Variants in TRPC7 observed in about 807,000 individuals in gnomAD.
TRPC7 encodes the protein short transient receptor potential channel 7.
TRPC7 carries 42 observed loss-of-function variants against 90.1 expected under a neutral mutation model. The observed-to-expected ratio is 0.47, with a 90% confidence interval of 0.36 to 0.60. TRPC7 has a LOEUF of 0.60. Ranked by LOEUF, TRPC7 falls within the 20% of genes least tolerant of loss-of-function variation. The pLI is 0.00. For missense variants in TRPC7, 955 were observed against 1,112.3 expected, an observed-to-expected ratio of 0.86 and a Z score of 2.01; for synonymous variants, 451 against 436.3, an observed-to-expected ratio of 1.03 and a Z score of -0.42.
intron 2 of TRPC7, among the ~76,000 whole-genome samples, chr5:136,336,155 C>G (rs994238561): frequency 2.0e-5 from 3 of 152,126 alleles, no homozygotes; most frequent in African/African-American, 7.2e-5. Flanking sequence ...TAAAATGTCT[C>G]TTCTGAGAAG....
chr5:136,244,858 T>C (rs190349143), intron 7 of TRPC7, among the ~76,000 whole-genome samples: 61 of 152,334 alleles, frequency 4.0e-4, no homozygotes, highest in Non-Finnish European at 6.9e-4. Flanking sequence ...CCTGTGCTGG[T>C]GGACAGTGTG....
intron 2 of TRPC7, among the ~76,000 whole-genome samples, chr5:136,352,952 AG>A (rs1308142117): frequency 6.6e-6 from 1 of 152,232 alleles, no homozygotes; most frequent in Non-Finnish European, 1.5e-5. Flanking sequence ...CATAAAGAAA[AG>A]GAGTCACTTG....
At position 136,225,940 on chromosome 5, in the gene TRPC7, G is replaced by A. The variant is rs575279127; in HGVS notation, c.2262+94C>T. ...CAGCTCCTGGCTCCCCTTGCATGGGGTGGGGGAGGGCAGCCATATGACTCA... is the reference window on the plus strand; with the variant it reads ...CAGCTCCTGGCTCCCCTTGCATGGGATGGGGGAGGGCAGCCATATGACTCA... On this transcript the variant is annotated intron_variant, in intron 9 of 11. Coordinates refer to ENST00000513104, the MANE Select transcript of TRPC7 (RefSeq NM_020389.3). The A allele has an allele frequency of 1.0e-5, 11 of 1,050,410 alleles. No individual in the cohort carries two copies. The East Asian group carries it at 1.6e-4, about 15-fold the overall frequency. 65.1% of individuals were successfully genotyped at this position (1,050,410 alleles called of 1,614,324 possible).
chr5:136,304,746 A>T (rs1758546011), intron 3 of TRPC7, among the ~76,000 whole-genome samples: 2 of 152,178 alleles, frequency 1.3e-5, no homozygotes, highest in Non-Finnish European at 2.9e-5. Flanking sequence ...CTATCTCGGC[A>T]TAATTCTCAT....
intron 7 of TRPC7, among the ~76,000 whole-genome samples, chr5:136,237,618 ATC>A (rs976509148): frequency 2.6e-5 from 4 of 152,182 alleles, no homozygotes; most frequent in Non-Finnish European, 4.4e-5. Context: ...AAATAGCCTC[ATC>A]TCTCTGTGCT....
At chr5:136,216,110 G>T in intron 11 of TRPC7, 90 bp downstream of exon 11, 1 of 1,065,380 alleles carries the variant, frequency 9.4e-7, no homozygotes. Flanking sequence ...GGAGCACAGT[G>T]CCCTGACAAC....
intron 8 of TRPC7, 118 bp downstream of exon 8, chr5:136,231,236 G>T: frequency 2.2e-6 from 2 of 910,206 alleles, no homozygotes; most frequent in Non-Finnish European, 3.2e-6. Flanking sequence ...CCTGTTCTTT[G>T]CTGTTCTGGC....
At chr5:136,275,910 G>A (rs1355065377) in intron 3 of TRPC7, among the ~76,000 whole-genome samples, 1 of 152,228 alleles carries the variant, frequency 6.6e-6, no homozygotes, top group African/African-American at 2.4e-5. Flanking sequence ...AGAATGGTGT[G>A]CAGAAAGAGG....
At chr5:136,307,258 T>G (rs1424463994) in intron 3 of TRPC7, among the ~76,000 whole-genome samples, 1 of 152,194 alleles carries the variant, frequency 6.6e-6, no homozygotes, top group East Asian at 1.9e-4. Flanking sequence ...TCTCTGAAAC[T>G]TTGTACTCTT....
intron 3 of TRPC7, among the ~76,000 whole-genome samples, chr5:136,307,681 G>T (rs191583380): frequency 3.9e-5 from 6 of 152,318 alleles, no homozygotes; most frequent in Admixed American, 3.9e-4. Context: ...CAAGCTGGGG[G>T]TAGGGTGCTA....
At chr5:136,285,639 T>A (rs1332214434) in intron 3 of TRPC7, among the ~76,000 whole-genome samples, 1 of 152,162 alleles carries the variant, frequency 6.6e-6, no homozygotes, top group Non-Finnish European at 1.5e-5. Context: ...GCAAAGACAC[T>A]ACCCTCAGAC....
rs1449002388 is a variant in TRPC7, at chr5:136,337,680, A to AC, written c.780+18927_780+18928insG. ...GACTCCATCAAAAAAAAAAAAAAAA[A>AC]ATCTGTTCTAAGGACAGAAGACTTC... On this transcript the variant is annotated intron_variant, in intron 2 of 11. Transcript: ENST00000513104. Among the ~76,000 whole-genome samples the AC allele has an allele frequency of 3.9e-3, 599 of 151,648 alleles. 2 individuals are homozygous for AC. The highest frequency in any genetic ancestry group is 6.5e-3 in the Non-Finnish European group (440 of 67,832).
At chr5:136,308,995 T>C (rs1163076188) in intron 3 of TRPC7, among the ~76,000 whole-genome samples, 1 of 152,218 alleles carries the variant, frequency 6.6e-6, no homozygotes, top group Non-Finnish European at 1.5e-5. Flanking sequence ...GTGGTCATTT[T>C]TGGAATAGAA....
intron 3 of TRPC7, among the ~76,000 whole-genome samples, chr5:136,302,820 C>G (rs1392799193): frequency 6.6e-6 from 1 of 152,136 alleles, no homozygotes; most frequent in Non-Finnish European, 1.5e-5. Flanking sequence ...CATTCTTTTA[C>G]ACATCAGTCC....
intron 3 of TRPC7, among the ~76,000 whole-genome samples, chr5:136,308,050 C>T (rs948231540): frequency 2.0e-5 from 3 of 152,280 alleles, no homozygotes; most frequent in South Asian, 4.2e-4. Context: ...CAGTCGGGCT[C>T]CTGGACACGA....
chr5:136,213,374 G>T lies in TRPC7; in HGVS notation c.*61C>A. On this transcript the variant is annotated 3_prime_UTR_variant, in exon 12 of 12. Transcript: ENST00000513104. ...GGACCCCTCCCCACCAAGGATGGGG[G>T]CGAGGGCATCCAACCTGGCCTTGGA... The T allele has an allele frequency of 6.4e-7, 1 of 1,572,376 alleles. No individual in the cohort carries two copies. Among genetic ancestry groups the T allele is most frequent in the Non-Finnish European group, 8.7e-7 (1 of 1,154,254 alleles).
Position 136,357,375 on chromosome 5 carries a change from T to A in TRPC7, c.13A>T (p.Ser5Cys), listed in dbSNP as rs1339592722. 6.3e-7 allele frequency: 1 copy of A among 1,597,614 alleles called. No individual in the cohort carries two copies. The highest frequency in any genetic ancestry group is 8.5e-7 in the Non-Finnish European group (1 of 1,178,274). The change falls in exon 2 of 12, where the codon AGC (serine) becomes TGC (cysteine). Residue 5 changes from serine (S) to cysteine (C), a missense_variant. Coordinates refer to ENST00000513104, the MANE Select transcript of TRPC7 (RefSeq NM_020389.3). The part of the protein sequence containing the change: MLRN[S>C]TFKNMQRRHT... ...CGGCGCTGCATGTTTTTGAAGGTGC[T>A]GTTCCTCAACCTATGGGACAAGGCA... is the stretch of plus-strand genomic sequence containing the variant.
At chr5:136,325,678 C>T (rs1214040324) in intron 2 of TRPC7, among the ~76,000 whole-genome samples, 1 of 152,074 alleles carries the variant, frequency 6.6e-6, no homozygotes, top group Non-Finnish European at 1.5e-5. Flanking sequence ...TCAAGGAAAA[C>T]ATCAAGGTCT....
At chr5:136,213,748 C>T in intron 11 of TRPC7, 144 bp from the exon 12 acceptor site, 1 of 811,002 alleles carries the variant, frequency 1.2e-6, no homozygotes, top group South Asian at 1.8e-5. Flanking sequence ...GCAAGGGGGG[C>T]TCTATTTGAA....
Sources: gnomAD v4.1 joint callset for allele counts (sites outside exome capture counted in the v4.1 genomes callset) on GRCh38, gnomAD v4.1.1 for gene constraint, MANE v1.5 for transcripts, NCBI Gene and HGNC (gene_info 2026-07-23, HGNC 2026-07-21) for gene names.